Variants in TMEM71 observed in about 807,000 individuals in gnomAD.
The protein encoded by TMEM71 is transmembrane protein 71.
TMEM71 carries 44 observed loss-of-function variants against 38.0 expected under a neutral mutation model. The ratio of observed to expected loss-of-function variants is 1.16; its 90% CI spans 0.91 to 1.49. The LOEUF is 1.49. Ranked by LOEUF, TMEM71 falls within the 40% of genes most tolerant of loss-of-function variation. The pLI, the probability that TMEM71 is intolerant of heterozygous loss-of-function variation, is 0.00. For missense variants in TMEM71, 367 were observed against 348.6 expected, an observed-to-expected ratio of 1.05 and a Z score of -0.42; for synonymous variants, 133 against 122.5, an observed-to-expected ratio of 1.09 and a Z score of -0.56.
intron 4 of TMEM71, 149 bp downstream of exon 4, chr8:132,751,636 T>A: frequency 1.4e-6 from 1 of 711,446 alleles, no homozygotes; most frequent in Non-Finnish European, 2.4e-6. Context: ...GATTGACCTG[T>A]TGACAGGTCC....
chr8:132,707,506 G>A (rs1005525835), downstream of TMEM71, among the ~76,000 whole-genome samples: 21 of 152,138 alleles, frequency 1.4e-4, no homozygotes, highest in African/African-American at 5.1e-4. Flanking sequence ...ATGAATTAAT[G>A]TTATTATTGT....
chr8:132,742,067 C>T (rs1828073165), intron 5 of TMEM71, among the ~76,000 whole-genome samples: 1 of 152,226 alleles, frequency 6.6e-6, no homozygotes, highest in African/African-American at 2.4e-5. Flanking sequence ...CTGGACACTC[C>T]TCACTGTGTC....
At chr8:132,763,019 ATCT>A (rs765924650), upstream of TMEM71, among the ~76,000 whole-genome samples, 6 of 152,190 alleles carry the variant, frequency 3.9e-5, no homozygotes, top group East Asian at 9.6e-4. Context: ...AGACCCACTC[ATCT>A]TCTTCTTGTT....
intron 5 of TMEM71, among the ~76,000 whole-genome samples, chr8:132,728,622 T>C (rs1296126278): frequency 1.3e-5 from 2 of 152,244 alleles, no homozygotes; most frequent in East Asian, 1.9e-4. Flanking sequence ...GCCAGAGGCA[T>C]CTTCAATGAC....
Position 132,751,983 on chromosome 8 carries a change from GA to G in TMEM71, c.115del (p.Ser39ProfsTer13). The G allele has an allele frequency of 6.2e-7, 1 of 1,614,038 alleles. No homozygotes were observed. The highest frequency in any genetic ancestry group is 8.5e-7 in the Non-Finnish European group (1 of 1,179,978). On this transcript the variant is annotated frameshift_variant, in exon 4 of 10. Transcript: ENST00000677595. LOFTEE classifies it high-confidence loss of function. The stretch of plus-strand genomic sequence containing the variant: ...TTCAAAAGAATGGTAACCATCCAGG[GA>G]ATCACAGGTGAAACTAAGAAGGAAA... Reference protein sequence around the residue: ...TCIFPSFTCDSLDGYHSFECG... With the variant: ...TCIFPSFTCDXLDGYHSFECG...
intron 5 of TMEM71, among the ~76,000 whole-genome samples, chr8:132,734,835 TA>T (rs1827658751): frequency 6.6e-6 from 1 of 152,226 alleles, no homozygotes; most frequent in Non-Finnish European, 1.5e-5. Context: ...TCATTCTGTT[TA>T]ACTTGATTTC....
At chr8:132,762,043 G>A (rs532615362), upstream of TMEM71, among the ~76,000 whole-genome samples, 11 of 152,180 alleles carry the variant, frequency 7.2e-5, no homozygotes, top group African/African-American at 1.2e-4. Context: ...CCTGGCCCAC[G>A]CAAACTGGGA....
intron 3 of TMEM71, among the ~76,000 whole-genome samples, chr8:132,755,239 T>C (rs1346680308): frequency 1.3e-5 from 2 of 152,270 alleles, no homozygotes; most frequent in Middle Eastern, 3.4e-3. Flanking sequence ...CCTACCTTTA[T>C]CTATCCTCTC....
chr8:132,727,010 C>A (rs769645606), intron 6 of TMEM71, among the ~76,000 whole-genome samples: 2 of 152,042 alleles, frequency 1.3e-5, no homozygotes, highest in Admixed American at 1.3e-4. Context: ...GCATGTGCCA[C>A]CATGCCCAGC....
chr8:132,764,091 C>T (rs1290283871), upstream of TMEM71, among the ~76,000 whole-genome samples: 2 of 152,074 alleles, frequency 1.3e-5, no homozygotes, highest in African/African-American at 2.4e-5. Flanking sequence ...GGAGAAATTG[C>T]GACTCCTCTC....
intron 5 of TMEM71, among the ~76,000 whole-genome samples, chr8:132,728,552 C>T (rs1442489056): frequency 6.6e-6 from 1 of 152,184 alleles, no homozygotes; most frequent in Non-Finnish European, 1.5e-5. Flanking sequence ...AATGGCATTT[C>T]AATTTGTCTT....
the TMEM71 span, chr8:132,775,737 G>C: frequency 2.1e-5 from 6 of 284,640 alleles, no homozygotes; most frequent in Non-Finnish European, 6.5e-6. Context: ...TTTCCGGCCC[G>C]CTCCCCTCCC....
At chr8:132,774,096 C>T in the TMEM71 span, among the ~76,000 whole-genome samples, 2 of 152,158 alleles carry the variant, frequency 1.3e-5, no homozygotes, top group South Asian at 2.1e-4. Context: ...CTGGCCATGA[C>T]AAATCTCACT....
intron 3 of TMEM71, among the ~76,000 whole-genome samples, 156 bp from the exon 4 acceptor site, chr8:132,752,153 G>A (rs753338251): frequency 5.5e-4 from 84 of 152,120 alleles, no homozygotes; most frequent in Admixed American, 8.5e-4. Context: ...AATGTTCTGG[G>A]CTTCATCTCC....
the TMEM71 span, chr8:132,775,654 C>T: frequency 3.0e-6 from 1 of 331,788 alleles, no homozygotes; most frequent in Non-Finnish European, 5.5e-6. Flanking sequence ...CGGTAAGAGG[C>T]GGCGGCGGCT....
intron 5 of TMEM71, among the ~76,000 whole-genome samples, chr8:132,736,110 G>C (rs771709817): frequency 2.6e-5 from 4 of 152,078 alleles, no homozygotes; most frequent in Admixed American, 6.5e-5. Flanking sequence ...TGGTCTTCTT[G>C]GTTTTATCAG....
At chr8:132,717,507 C>G (rs890698964) in intron 7 of TMEM71, among the ~76,000 whole-genome samples, 1 of 152,138 alleles carries the variant, frequency 6.6e-6, no homozygotes, top group Non-Finnish European at 1.5e-5. Flanking sequence ...ACATCATTAT[C>G]CATCAGGGAA....
At chr8:132,765,800 G>A in the TMEM71 span, among the ~76,000 whole-genome samples, 9 of 148,696 alleles carry the variant, frequency 6.1e-5, no homozygotes, top group South Asian at 4.2e-4. Context: ...TATTATTATT[G>A]TCTTTTGAGA....
At chr8:132,748,522 G>A (rs975351693) in intron 4 of TMEM71, among the ~76,000 whole-genome samples, 1 of 152,178 alleles carries the variant, frequency 6.6e-6, no homozygotes, top group Non-Finnish European at 1.5e-5. Context: ...TCTGTCATAG[G>A]TTTCAGGAAC....
Sources: allele counts gnomAD v4.1 joint callset (sites outside exome capture counted in the v4.1 genomes callset), GRCh38; gene constraint gnomAD v4.1.1; transcripts MANE v1.5; gene names NCBI Gene and HGNC (gene_info 2026-07-23, HGNC 2026-07-21).